The following NLRP12 variants were observed in gnomAD, a reference collection of about 807,000 sequenced individuals.
NLRP12 encodes NLR family pyrin domain containing 12.
In NLRP12, 108 loss-of-function variants were observed where a neutral mutation model predicts 91.2. The ratio of observed to expected loss-of-function variants is 1.18; its 90% CI spans 1.01 to 1.39. The LOEUF is 1.39. Among genes scored for constraint, NLRP12 ranks in the 40% most tolerant of loss-of-function variants. The probability of loss-of-function intolerance (pLI) is 0.00; values close to 1 mark genes in which losing one functional copy is unlikely to be tolerated. For missense variants in NLRP12, 1,530 were observed against 1,352.7 expected, an observed-to-expected ratio of 1.13 and a Z score of -2.06; for synonymous variants, 613 against 566.7, an observed-to-expected ratio of 1.08 and a Z score of -1.16.
intron 8 of NLRP12, among the ~76,000 whole-genome samples, chr19:53,797,070 G>A (rs2091777574): frequency 6.6e-6 from 1 of 151,978 alleles, no homozygotes; most frequent in Admixed American, 6.6e-5. Flanking sequence ...TGGCCTGGCA[G>A]AAAGGTGAGG....
chr19:53,813,293 T>TTC (rs2092106232), intron 2 of NLRP12, among the ~76,000 whole-genome samples: 1 of 131,462 alleles, frequency 7.6e-6, no homozygotes, highest in South Asian at 2.5e-4. Context: ...TTTTTTTTTT[T>TTC]CTTTTCTTTT....
At chr19:53,804,358 A>AT (rs34422734) in intron 5 of NLRP12, among the ~76,000 whole-genome samples, 27 of 136,632 alleles carry the variant, frequency 2.0e-4, no homozygotes, top group South Asian at 4.6e-4. Context: ...CACCTGCCTA[A>AT]TTTTTTTTGT....
chr19:53,823,441 ATG>A (rs2092294174), intron 1 of NLRP12, among the ~76,000 whole-genome samples: 1 of 104,812 alleles, frequency 9.5e-6, no homozygotes, highest in African/African-American at 3.3e-5. Flanking sequence ...TTTAAAATAT[ATG>A]TTTTAAATAT....
rs1362190303 is a variant in NLRP12, at chr19:53,823,901, C to G, written c.274G>C (p.Glu92Gln). The G allele has an allele frequency of 3.7e-6, 6 of 1,614,054 alleles. No individual in the cohort carries two copies. The highest frequency in any genetic ancestry group is 5.1e-6 in the Non-Finnish European group (6 of 1,180,012). ...ACCTCCTTACCCCTCACCAGGTCCT[C>G]TCTCTGTCCTCTCTCCCACAGGTCC... The part of the protein sequence containing the change: ...RKDLWERGQR[E>Q]DLVRDTPPGG... Residue 92 changes from glutamate (E) to glutamine (Q), a missense_variant, in exon 1 of 10, where the codon GAG becomes CAG. Physicochemically the swap from Glu to Gln is conservative, Grantham distance 29. Coordinates refer to ENST00000324134, the MANE Select transcript of NLRP12 (RefSeq NM_144687.4).
intron 9 of NLRP12, 132 bp downstream of exon 9, chr19:53,795,727 T>G: frequency 1.2e-6 from 1 of 807,202 alleles, no homozygotes; most frequent in Non-Finnish European, 2.1e-6. Flanking sequence ...ATAGCTAATA[T>G]GTGGCCTCAT....
intron 7 of NLRP12, among the ~76,000 whole-genome samples, chr19:53,800,281 G>T (rs2091845961): frequency 6.6e-6 from 1 of 152,068 alleles, no homozygotes; most frequent in African/African-American, 2.4e-5. Context: ...CTCCAGCCTG[G>T]GCGACAGGGC....
At position 53,793,923 on chromosome 19, in the gene NLRP12, CTTTTGATCTCAATCTGCATGAGT is replaced by C. The variant is rs909814408; in HGVS notation, c.*103_*125del. The C allele has an allele frequency of 2.3e-5, 18 of 776,184 alleles. No individual in the cohort carries two copies. The highest frequency in any genetic ancestry group is 3.9e-5 in the Non-Finnish European group (17 of 430,446). 48.1% of individuals were successfully genotyped at this position (776,184 alleles called of 1,614,324 possible). ...ATTAATTTGATCCCAAGCAGAGGGACTTTTGATCTCAATCTGCATGAGTCTGTCTCTAGGAAGGAGGCTGATCA... is the reference window on the plus strand; with the variant it reads ...ATTAATTTGATCCCAAGCAGAGGGACCTGTCTCTAGGAAGGAGGCTGATCA... On this transcript the variant is annotated 3_prime_UTR_variant, in exon 10 of 10. Coordinates refer to ENST00000324134, the MANE Select transcript of NLRP12 (RefSeq NM_144687.4).
chr19:53,814,631 G>A (rs1254290060), intron 2 of NLRP12, among the ~76,000 whole-genome samples: 2 of 152,174 alleles, frequency 1.3e-5, no homozygotes, highest in Non-Finnish European at 2.9e-5. Context: ...GATTACAGGC[G>A]TGAGCCACTG....
chr19:53,811,974 C>T (rs949956567), intron 2 of NLRP12, among the ~76,000 whole-genome samples: 33 of 152,050 alleles, frequency 2.2e-4, no homozygotes, highest in African/African-American at 5.6e-4. Context: ...CGGTGGCTCA[C>T]GCCTGTAATC....
At chr19:53,815,225 C>CA (rs757105385) in intron 1 of NLRP12, among the ~76,000 whole-genome samples, 4 of 96,996 alleles carry the variant, frequency 4.1e-5, no homozygotes, top group African/African-American at 1.4e-4. Flanking sequence ...TCCAATCAGT[C>CA]TTTTTTTTTT....
chr19:53,819,660 C>CGTATATATATGCGTACATATGT lies in NLRP12; in HGVS notation c.289+4225_289+4226insACATATGTACGCATATATATAC, dbSNP rs1568696761. ...ATGTATGTATACGTATATATATACA[C>CGTATATATATGCGTACATATGT]ATGTATACATATATGTATGTATACA... On this transcript the variant is annotated intron_variant, in intron 1 of 9. Coordinates refer to ENST00000324134, the MANE Select transcript of NLRP12 (RefSeq NM_144687.4). Among the ~76,000 whole-genome samples, 4 of 21,134 alleles carry CGTATATATATGCGTACATATGT rather than the reference C, an allele frequency of 1.9e-4. 2 individuals are homozygous for CGTATATATATGCGTACATATGT. The highest frequency in any genetic ancestry group is 4.2e-4 in the Non-Finnish European group (4 of 9,534). The allele number at this position is 21,134 out of a possible 152,430, so 13.9% of individuals were successfully genotyped here.
Position 53,823,909 on chromosome 19 carries a change from C to T in NLRP12, c.266G>A (p.Gly89Glu). The change falls in exon 1 of 10, where the codon GGA becomes GAA. Residue 89 changes from glycine to glutamate, a missense_variant. Gly to Glu is a moderately conservative substitution (Grantham distance 98, BLOSUM62 -2). Transcript: ENST00000324134. The stretch of plus-strand genomic sequence containing the variant: ...ACCCCTCACCAGGTCCTCTCTCTGT[C>T]CTCTCTCCCACAGGTCCTTCCTGTT... ...RINRKDLWER[G>E]QREDLVRDTP... 1 of 1,614,054 alleles carries T rather than the reference C, an allele frequency of 6.2e-7. No homozygotes were observed. Among genetic ancestry groups the T allele is most frequent in the Non-Finnish European group, 8.5e-7 (1 of 1,180,030 alleles).
intron 1 of NLRP12, among the ~76,000 whole-genome samples, chr19:53,819,706 C>CAGAA: frequency 8.2e-6 from 1 of 121,926 alleles, no homozygotes; most frequent in Admixed American, 8.5e-5. Flanking sequence ...CACACACACA[C>CAGAA]GTATATATAT....
intron 2 of NLRP12, among the ~76,000 whole-genome samples, chr19:53,812,616 G>A (rs1163659853): frequency 6.6e-6 from 1 of 151,954 alleles, no homozygotes; most frequent in East Asian, 1.9e-4. Flanking sequence ...GAACGCTCTG[G>A]CCCCGAAATG....
Position 53,810,029 on chromosome 19 carries a change from G to C in NLRP12, c.1630C>G (p.Leu544Val). 6.2e-7 allele frequency: 1 copy of C among 1,614,154 alleles called. No homozygotes were observed. Among genetic ancestry groups the C allele is most frequent in the Non-Finnish European group, 8.5e-7 (1 of 1,180,032 alleles). The change falls in exon 3 of 10, where the codon CTG (leucine) becomes GTG (valine). Residue 544 changes from leucine to valine, a missense_variant. Coordinates refer to ENST00000324134, the MANE Select transcript of NLRP12 (RefSeq NM_144687.4). Reference sequence around the variant, plus strand: ...TCAGAAAACGCGTACTCGGTCAACAGCCTGGTCACGTCCTGGTCTGGGCCT... The same window carrying C: ...TCAGAAAACGCGTACTCGGTCAACACCCTGGTCACGTCCTGGTCTGGGCCT... ...GAGPDQDVTR[L>V]LTEYAFSERS... is the part of the protein sequence containing the mutation.
intron 2 of NLRP12, among the ~76,000 whole-genome samples, chr19:53,813,627 C>T (rs1010812192): frequency 2.6e-5 from 4 of 151,034 alleles, no homozygotes; most frequent in Admixed American, 2.6e-4. Context: ...TACTTTCCGC[C>T]TCTGAATTTG....
At chr19:53,808,978 T>G (rs2092007232) in intron 3 of NLRP12, among the ~76,000 whole-genome samples, 1 of 151,966 alleles carries the variant, frequency 6.6e-6, no homozygotes, top group African/African-American at 2.4e-5. Context: ...GTTAAGAGCA[T>G]GAACCTCAAG....
In NLRP12 at chr19:53,811,046, C is replaced by A. The variant is rs778993927; in HGVS notation, c.613G>T (p.Glu205Ter). 1 of 1,612,536 alleles carries A rather than the reference C, an allele frequency of 6.2e-7. No individual in the cohort carries two copies. The highest frequency in any genetic ancestry group is 1.3e-5 in the African/African-American group (1 of 74,910). ...KIETLFEPDE[E>*]RPEPPRTVVM... Reference sequence around the variant, plus strand: ...ACGGTGCGCGGTGGCTCGGGGCGCTCCTCGTCTGGCTCAAAGAGGGTCTCT... The same window carrying A: ...ACGGTGCGCGGTGGCTCGGGGCGCTACTCGTCTGGCTCAAAGAGGGTCTCT... Residue 205 changes from glutamate to a stop codon, truncating the protein, a stop_gained, in exon 3 of 10, where the codon GAG (glutamate) becomes TAG (stop). Coordinates refer to ENST00000324134, the MANE Select transcript of NLRP12 (RefSeq NM_144687.4). LOFTEE classifies it high-confidence loss of function.
intron 8 of NLRP12, among the ~76,000 whole-genome samples, chr19:53,797,354 A>T (rs373817753): frequency 2.0e-5 from 3 of 151,980 alleles, no homozygotes; most frequent in East Asian, 1.9e-4. Flanking sequence ...CAAACTCCTG[A>T]CCTCATGATC....
Sources: gnomAD v4.1 joint callset for allele counts (sites outside exome capture counted in the v4.1 genomes callset) on GRCh38, gnomAD v4.1.1 for gene constraint, MANE v1.5 for transcripts, NCBI Gene and HGNC (gene_info 2026-07-23, HGNC 2026-07-21) for gene names.